The following OPCML variants were observed in gnomAD, a reference collection of about 807,000 sequenced individuals.
OPCML encodes the protein opioid-binding protein/cell adhesion molecule.
In OPCML, 13 loss-of-function variants were observed where a neutral mutation model predicts 37.8. The observed-to-expected ratio is 0.34, with a 90% CI of 0.22 to 0.55. The LOEUF (loss-of-function observed/expected upper bound fraction) is 0.55, where lower values mean the gene tolerates loss of function less well. OPCML is among the 20% of genes least tolerant of loss of function. OPCML has a pLI of 0.91. For missense variants in OPCML, 341 were observed against 435.6 expected, an observed-to-expected ratio of 0.78 and a Z score of 1.93; for synonymous variants, 176 against 168.8, an observed-to-expected ratio of 1.04 and a Z score of -0.33.
chr11:132,869,982 T>A (rs949533891), intron 2 of OPCML, among the ~76,000 whole-genome samples: 1 of 152,162 alleles, frequency 6.6e-6, no homozygotes, highest in African/African-American at 2.4e-5. Context: ...AGTGTAGAAA[T>A]CATAATTATT....
chr11:132,812,471 A>G (rs7106121), intron 2 of OPCML, among the ~76,000 whole-genome samples: 98,836 of 151,356 alleles, frequency 0.65, 32,806 homozygotes, highest in Middle Eastern at 0.71. Context: ...AAGTTTTAAA[A>G]TCAAGCACTG....
At chr11:132,997,058 C>T (rs375926684) in intron 1 of OPCML, among the ~76,000 whole-genome samples, 93 of 152,214 alleles carry the variant, frequency 6.1e-4, no homozygotes, top group African/African-American at 2.2e-3. Flanking sequence ...GCACATCCTC[C>T]GACTGCAGGA....
chr11:132,897,577 A>G (rs1184473007), intron 2 of OPCML, among the ~76,000 whole-genome samples: 2 of 152,244 alleles, frequency 1.3e-5, no homozygotes, highest in African/African-American at 2.4e-5. Context: ...ACAGAGGAAG[A>G]GAAAAATCGG....
intron 3 of OPCML, among the ~76,000 whole-genome samples, chr11:132,578,103 T>C (rs1206195967): frequency 3.9e-5 from 6 of 152,236 alleles, no homozygotes; most frequent in African/African-American, 9.6e-5. Context: ...GTCTAAGTTA[T>C]GTATGCATGA....
intron 1 of OPCML, among the ~76,000 whole-genome samples, chr11:132,983,241 C>G (rs938246060): frequency 6.6e-6 from 1 of 152,208 alleles, no homozygotes; most frequent in African/African-American, 2.4e-5. Context: ...CGAAGACTCT[C>G]ATAGCATCAC....
intron 2 of OPCML, among the ~76,000 whole-genome samples, chr11:132,727,991 T>A (rs1944946063): frequency 6.6e-6 from 1 of 152,122 alleles, no homozygotes; most frequent in African/African-American, 2.4e-5. Flanking sequence ...CTTCAGAAGT[T>A]CCCTTCCACG....
At chr11:133,435,873 G>C (rs1778217192) in intron 1 of OPCML, among the ~76,000 whole-genome samples, 2 of 152,296 alleles carry the variant, frequency 1.3e-5, no homozygotes, top group South Asian at 4.2e-4. Flanking sequence ...ATATTGCACA[G>C]TTTTGCTCTG....
At chr11:132,699,537 GC>G (rs1402945784) in intron 2 of OPCML, among the ~76,000 whole-genome samples, 1 of 151,938 alleles carries the variant, frequency 6.6e-6, no homozygotes, top group Non-Finnish European at 1.5e-5. Flanking sequence ...TAAATAACTT[GC>G]TCAGAGGGTT....
At chr11:132,828,550 T>C (rs903340715) in intron 2 of OPCML, among the ~76,000 whole-genome samples, 2 of 148,804 alleles carry the variant, frequency 1.3e-5, no homozygotes, top group Admixed American at 1.3e-4. Context: ...ACAGCTCTTT[T>C]AAAAAAAAAA....
intron 1 of OPCML, among the ~76,000 whole-genome samples, chr11:133,134,325 C>A (rs1431068833): frequency 6.6e-6 from 1 of 152,136 alleles, no homozygotes; most frequent in Non-Finnish European, 1.5e-5. Context: ...TGAGCATCTA[C>A]AAAATGAAAT....
chr11:133,418,790 T>C (rs74989774), intron 1 of OPCML, among the ~76,000 whole-genome samples: 1,991 of 152,350 alleles, frequency 0.013, 31 homozygotes, highest in East Asian at 0.064. Flanking sequence ...GCCATTGTTC[T>C]GTAGGTCATA....
At chr11:132,955,215 C>A (rs1346920337) in intron 1 of OPCML, among the ~76,000 whole-genome samples, 1 of 152,018 alleles carries the variant, frequency 6.6e-6, no homozygotes, top group Non-Finnish European at 1.5e-5. Flanking sequence ...CATGAGAGTC[C>A]TGAATATTTT....
In OPCML at chr11:132,434,634, C is replaced by A. The variant is rs183771536; in HGVS notation, c.916+1452G>T. Among the ~76,000 whole-genome samples, 121 of 152,284 alleles carry A rather than the reference C, an allele frequency of 7.9e-4. 2 individuals are homozygous for A. Among genetic ancestry groups the A allele is most frequent in the Non-Finnish European group, 2.5e-4 (17 of 68,022 alleles). ...AATAACCTGCCTTGCACAGCCCTGACATGATGCCTAGAAACCAGTACACGT... is the reference window on the plus strand; with the variant it reads ...AATAACCTGCCTTGCACAGCCCTGAAATGATGCCTAGAAACCAGTACACGT... On this transcript the variant is annotated intron_variant, in intron 7 of 7. Coordinates refer to ENST00000524381, the MANE Select transcript of OPCML (RefSeq NM_001012393.5).
intron 1 of OPCML, among the ~76,000 whole-genome samples, chr11:133,178,408 TGCG>T (rs1937653471): frequency 6.6e-6 from 1 of 152,124 alleles, no homozygotes; most frequent in African/African-American, 2.4e-5. Flanking sequence ...TGGGACCTTC[TGCG>T]ATCTGGAAGG....
chr11:133,152,875 CTTTTT>C (rs11361893), intron 1 of OPCML, among the ~76,000 whole-genome samples: 2 of 147,820 alleles, frequency 1.4e-5, no homozygotes, highest in Non-Finnish European at 3.0e-5. Context: ...TCAGGTTATC[CTTTTT>C]TTTTTTTTAT....
intron 1 of OPCML, among the ~76,000 whole-genome samples, chr11:133,128,489 T>C (rs1437535890): frequency 6.6e-6 from 1 of 152,208 alleles, no homozygotes; most frequent in African/African-American, 2.4e-5. Context: ...CTGAGCCAAG[T>C]TCTCCACTCC....
At chr11:132,684,110 G>GA (rs1943067110) in intron 2 of OPCML, among the ~76,000 whole-genome samples, 1 of 151,870 alleles carries the variant, frequency 6.6e-6, no homozygotes, top group African/African-American at 2.4e-5. Context: ...TAGGCTACAC[G>GA]ATAATCGCTG....
chr11:132,715,020 G>C (rs1204283397), intron 2 of OPCML, among the ~76,000 whole-genome samples: 3 of 152,136 alleles, frequency 2.0e-5, no homozygotes, highest in African/African-American at 7.2e-5. Context: ...CACTTAATGG[G>C]GTCTCTGCCA....
intron 1 of OPCML, among the ~76,000 whole-genome samples, chr11:132,995,358 G>A (rs1946862075): frequency 6.6e-6 from 1 of 152,132 alleles, no homozygotes. Context: ...AGTAGTCATA[G>A]AAGGAGTAGT....
Sources: gnomAD v4.1 joint callset for allele counts (sites outside exome capture counted in the v4.1 genomes callset) on GRCh38, gnomAD v4.1.1 for gene constraint, MANE v1.5 for transcripts, NCBI Gene and HGNC (gene_info 2026-07-23, HGNC 2026-07-21) for gene names.